The following SLC4A10 variants were observed in gnomAD, a reference collection of about 807,000 sequenced individuals.
The protein encoded by SLC4A10 is solute carrier family 4 member 10, also known as sodium-driven chloride bicarbonate exchanger.
SLC4A10 carries 42 observed loss-of-function variants against 137.7 expected under a neutral mutation model. The ratio of observed to expected loss-of-function variants is 0.30; its 90% CI spans 0.24 to 0.39. SLC4A10 has a LOEUF of 0.39. SLC4A10 is among the 10% of genes least tolerant of loss of function. The pLI is 1.00. For synonymous variants in SLC4A10, 474 were observed against 464.1 expected (o/e 1.02, Z -0.27); for missense variants, 925 against 1,355.0 (o/e 0.68, Z 4.98).
intron 15 of SLC4A10, among the ~76,000 whole-genome samples, chr2:161,935,102 G>A (rs1366372716): frequency 2.0e-5 from 3 of 152,130 alleles, no homozygotes; most frequent in African/African-American, 7.2e-5. Context: ...TCTTCCACAT[G>A]TGGATATTCA....
rs112152182 is a variant in SLC4A10, at chr2:161,759,306, C to T, written c.49-11667C>T. 6.1e-3 allele frequency among the ~76,000 whole-genome samples: 921 copies of T among 152,032 alleles called. 6 individuals are homozygous for T. The highest frequency in any genetic ancestry group is 0.021 in the African/African-American group (875 of 41,530). On this transcript the variant is annotated intron_variant, in intron 1 of 26. Coordinates refer to ENST00000446997, the MANE Select transcript of SLC4A10 (RefSeq NM_001178015.2). ...GTTAATCAATACATCCATCAGCATACATAGTTACGTGTGTGTGTTGTGTGT... is the reference window on the plus strand; with the variant it reads ...GTTAATCAATACATCCATCAGCATATATAGTTACGTGTGTGTGTTGTGTGT...
At chr2:161,641,097 A>AT (rs766463950) in intron 1 of SLC4A10, among the ~76,000 whole-genome samples, 103 of 151,270 alleles carry the variant, frequency 6.8e-4, no homozygotes, top group African/African-American at 1.4e-3. Context: ...CAAAAACGAC[A>AT]TTTTTTTTTA....
intron 6 of SLC4A10, among the ~76,000 whole-genome samples, chr2:161,870,249 G>A (rs543108448): frequency 2.6e-5 from 4 of 151,530 alleles, no homozygotes; most frequent in Non-Finnish European, 4.4e-5. Flanking sequence ...TTTATGAAAT[G>A]CTCTGCTTAA....
At chr2:161,952,217 A>G (rs892303385) in intron 19 of SLC4A10, among the ~76,000 whole-genome samples, 1 of 152,116 alleles carries the variant, frequency 6.6e-6, no homozygotes, top group Non-Finnish European at 1.5e-5. Context: ...TGGAAGTGAA[A>G]TGTGTGCTGA....
intron 20 of SLC4A10, 76 bp from the exon 21 acceptor site, chr2:161,958,411 T>C: frequency 7.8e-7 from 1 of 1,279,012 alleles, no homozygotes; most frequent in Non-Finnish European, 1.1e-6. Flanking sequence ...TTTTCCCTGT[T>C]TTTTTCTTTG....
intron 25 of SLC4A10, 111 bp downstream of exon 25, chr2:161,976,987 C>T (rs1369122538): frequency 3.2e-5 from 19 of 592,904 alleles, no homozygotes; most frequent in Non-Finnish European, 5.3e-5. Flanking sequence ...TAAAATATTC[C>T]AGAAAATTCT....
chr2:161,723,135 G>C (rs1401736930), intron 1 of SLC4A10, among the ~76,000 whole-genome samples: 1 of 152,140 alleles, frequency 6.6e-6, no homozygotes, highest in South Asian at 2.1e-4. Context: ...TGAGCCTGCC[G>C]AGAGTCCTCA....
At chr2:161,630,447 A>G (rs2033323073) in intron 1 of SLC4A10, among the ~76,000 whole-genome samples, 1 of 151,684 alleles carries the variant, frequency 6.6e-6, no homozygotes, top group Admixed American at 6.6e-5. Context: ...AGATTCATAT[A>G]TATTTTGACC....
intron 1 of SLC4A10, among the ~76,000 whole-genome samples, chr2:161,660,619 TCTTTCTTC>T (rs1227499908): frequency 1.6e-4 from 22 of 140,312 alleles, no homozygotes; most frequent in African/African-American, 4.9e-4. Context: ...TTTCTTTCTT[TCTTTCTTC>T]CTTTCCTTCT....
At chr2:161,626,678 T>A (rs905693697) in intron 1 of SLC4A10, among the ~76,000 whole-genome samples, 3 of 152,138 alleles carry the variant, frequency 2.0e-5, no homozygotes, top group Admixed American at 6.6e-5. Flanking sequence ...GATTTTATTA[T>A]TTTCATTTTC....
chr2:161,709,000 G>A (rs1206313930), intron 1 of SLC4A10, among the ~76,000 whole-genome samples: 3 of 151,414 alleles, frequency 2.0e-5, no homozygotes, highest in African/African-American at 7.3e-5. Flanking sequence ...TATTAGAAAT[G>A]TGTGTGTATG....
At chr2:161,933,911 A>T (rs911542012) in intron 15 of SLC4A10, among the ~76,000 whole-genome samples, 18 of 152,204 alleles carry the variant, frequency 1.2e-4, no homozygotes, top group Admixed American at 4.6e-4. Flanking sequence ...ACTGTTTTCC[A>T]TATGGCTGTA....
chr2:161,905,173 G>C (rs1445243779), intron 14 of SLC4A10, among the ~76,000 whole-genome samples: 1 of 152,130 alleles, frequency 6.6e-6, no homozygotes, highest in Non-Finnish European at 1.5e-5. Context: ...GTTCCCTTTA[G>C]ACCGGTGGTC....
rs954426566 is a variant in SLC4A10 at position 161,735,135 on chromosome 2, A to T, written c.49-35838A>T. Among the ~76,000 whole-genome samples, 4 of 148,866 alleles carry T rather than the reference A, an allele frequency of 2.7e-5. No individual in the cohort carries two copies. In the South Asian group the frequency reaches 6.3e-4, roughly 23 times the overall value. On this transcript the variant is annotated intron_variant, in intron 1 of 26. Coordinates refer to ENST00000446997, the MANE Select transcript of SLC4A10 (RefSeq NM_001178015.2). ...TAGTATCTTTATAGTAGTATGAAAAAATATATATATTATACATATATATAA... is the reference window on the plus strand; with the variant it reads ...TAGTATCTTTATAGTAGTATGAAAATATATATATATTATACATATATATAA...
At chr2:161,750,748 G>A (rs1050392953) in intron 1 of SLC4A10, among the ~76,000 whole-genome samples, 11 of 151,526 alleles carry the variant, frequency 7.3e-5, no homozygotes, top group African/African-American at 2.7e-4. Context: ...GAGTTCATTT[G>A]GTCTGTAGTG....
At position 161,965,179 on chromosome 2, in the gene SLC4A10, A is replaced by G. The variant is rs771508816; in HGVS notation, c.3159+6A>G. ...TGGAAGATGCTGAAAAAGAAGTAAG[A>G]GCAAAATCAATGTTTTATAAAGAAA... On this transcript the variant is annotated splice_donor_region_variant and intron_variant, in intron 23 of 26. Transcript: ENST00000446997. 6.2e-7 allele frequency: 1 copy of G among 1,602,532 alleles called. No individual in the cohort carries two copies. The highest frequency in any genetic ancestry group is 1.1e-5 in the South Asian group (1 of 89,508).
chr2:161,813,821 T>C (rs1559308249), intron 3 of SLC4A10, among the ~76,000 whole-genome samples: 1 of 152,298 alleles, frequency 6.6e-6, no homozygotes, highest in Non-Finnish European at 1.5e-5. Flanking sequence ...TGCCAGTTTT[T>C]CTAGAACAGT....
At chr2:161,809,829 CT>C (rs1287460787) in intron 3 of SLC4A10, among the ~76,000 whole-genome samples, 1 of 151,944 alleles carries the variant, frequency 6.6e-6, no homozygotes, top group Non-Finnish European at 1.5e-5. Context: ...TGACTTTGTT[CT>C]TTTTGCTTAG....
At chr2:161,696,884 G>C (rs1254493748) in intron 1 of SLC4A10, among the ~76,000 whole-genome samples, 1 of 152,158 alleles carries the variant, frequency 6.6e-6, no homozygotes, top group Non-Finnish European at 1.5e-5. Context: ...TCGCCACACT[G>C]TCTTCCACAA....
Sources: allele counts gnomAD v4.1 joint callset (sites outside exome capture counted in the v4.1 genomes callset), GRCh38; gene constraint gnomAD v4.1.1; transcripts MANE v1.5; gene names NCBI Gene and HGNC (gene_info 2026-07-23, HGNC 2026-07-21).